The following ELF2 variants were observed in gnomAD, a reference collection of about 807,000 sequenced individuals.
ELF2 encodes the protein ETS-related transcription factor Elf-2.
ELF2 carries 11 observed loss-of-function variants against 54.8 expected under a neutral mutation model. The ratio of observed to expected loss-of-function variants is 0.20; its 90% confidence interval spans 0.13 to 0.33. The LOEUF is 0.33. Among genes scored for constraint, ELF2 ranks in the 10% least tolerant of loss-of-function variants. The pLI, the probability that ELF2 is intolerant of heterozygous loss-of-function variation, is 1.00. For synonymous variants in ELF2, 203 were observed against 245.1 expected (o/e 0.83, Z 1.61); for missense variants, 513 against 703.0 (o/e 0.73, Z 3.06).
At chr4:139,083,658 G>A (rs1731500789) in intron 4 of ELF2, among the ~76,000 whole-genome samples, 1 of 152,244 alleles carries the variant, frequency 6.6e-6, no homozygotes, top group Admixed American at 6.5e-5. Flanking sequence ...ACCGAGCGGG[G>A]GTGGCGAGCG....
At chr4:139,167,809 G>T (rs1741872551) in intron 1 of ELF2, among the ~76,000 whole-genome samples, 1 of 152,196 alleles carries the variant, frequency 6.6e-6, no homozygotes, top group East Asian at 1.9e-4. Flanking sequence ...GCCTTAACCA[G>T]AGACATTCAA....
At chr4:139,080,161 T>C (rs1164242286) in intron 4 of ELF2, among the ~76,000 whole-genome samples, 2 of 152,222 alleles carry the variant, frequency 1.3e-5, no homozygotes, top group Non-Finnish European at 2.9e-5. Context: ...AAAATAGTTT[T>C]ATGTTGAATG....
chr4:139,114,730 C>A (rs535568317), intron 4 of ELF2, among the ~76,000 whole-genome samples: 22 of 142,152 alleles, frequency 1.5e-4, no homozygotes, highest in African/African-American at 5.5e-4. Context: ...CACAAAAAGT[C>A]CCATCAGTTT....
At chr4:139,163,237 C>T (rs1741348218) in intron 1 of ELF2, among the ~76,000 whole-genome samples, 2 of 151,934 alleles carry the variant, frequency 1.3e-5, no homozygotes, top group South Asian at 4.1e-4. Flanking sequence ...TAACAAAAAA[C>T]ATCATGTGGC....
chr4:139,089,003 C>CA (rs1384970758), intron 4 of ELF2, among the ~76,000 whole-genome samples: 2 of 152,170 alleles, frequency 1.3e-5, no homozygotes, highest in Non-Finnish European at 2.9e-5. Flanking sequence ...GTGATCTGCC[C>CA]ACCTCGGCCT....
At chr4:139,124,865 T>A (rs1180760289) in intron 4 of ELF2, among the ~76,000 whole-genome samples, 1 of 152,122 alleles carries the variant, frequency 6.6e-6, no homozygotes, top group African/African-American at 2.4e-5. Context: ...TTGACTTGTA[T>A]AAATAACAGC....
At chr4:139,137,900 A>G in intron 2 of ELF2, 33 bp from the exon 3 acceptor site, 1 of 1,275,512 alleles carries the variant, frequency 7.8e-7, no homozygotes, top group South Asian at 2.6e-5. Context: ...AAGTTATTTT[A>G]AAAATTACAG....
At chr4:139,147,710 A>T (rs1427612746) in intron 1 of ELF2, among the ~76,000 whole-genome samples, 1 of 150,940 alleles carries the variant, frequency 6.6e-6, no homozygotes, top group East Asian at 1.9e-4. Context: ...TCCTGACCTC[A>T]TGAGTTACCT....
At chr4:139,076,799 C>T (rs1034591137) in intron 4 of ELF2, among the ~76,000 whole-genome samples, 5 of 152,198 alleles carry the variant, frequency 3.3e-5, no homozygotes, top group Non-Finnish European at 4.4e-5. Context: ...ATTGTTATGT[C>T]AATGGAAATT....
chr4:139,145,604 C>T (rs1297031722), intron 1 of ELF2, among the ~76,000 whole-genome samples: 2 of 152,146 alleles, frequency 1.3e-5, no homozygotes, highest in African/African-American at 4.8e-5. Flanking sequence ...AAACTACAGA[C>T]CAATATCCCT....
At chr4:139,161,780 G>A (rs1741182616) in intron 1 of ELF2, among the ~76,000 whole-genome samples, 1 of 151,438 alleles carries the variant, frequency 6.6e-6, no homozygotes, top group Non-Finnish European at 1.5e-5. Context: ...AGACCAGCCT[G>A]CCCAACATGG....
In ELF2 at chr4:139,059,117, T is replaced by G. The variant is rs776371113; in HGVS notation, c.1648A>C (p.Thr550Pro). Residue 550 changes from threonine to proline, a missense_variant, in exon 10 of 10, where the codon ACT becomes CCT. Thr to Pro is a conservative substitution (Grantham distance 38). Coordinates refer to ENST00000686138, the MANE Select transcript of ELF2 (RefSeq NM_001331036.3). Reference sequence around the variant, plus strand: ...GGTTTTTCTTCTACTAGCTGCAAAGTTTTCACATCATGTTCTTGCTTTTTT... The same window carrying G: ...GGTTTTTCTTCTACTAGCTGCAAAGGTTTCACATCATGTTCTTGCTTTTTT... Reference protein sequence around the residue: ...VAKKQEHDVKTLQLVEEKPAD... With the variant: ...VAKKQEHDVKPLQLVEEKPAD... 6.2e-7 allele frequency: 1 copy of G among 1,613,978 alleles called. No individual in the cohort carries two copies. The highest frequency in any genetic ancestry group is 8.5e-7 in the Non-Finnish European group (1 of 1,179,848).
rs953282075 is a variant in ELF2, at chr4:139,137,395, T to C, written c.72+235A>G. On this transcript the variant is annotated intron_variant, in intron 3 of 9. Transcript: ENST00000686138. ...AATACTATAGTGTTCTTTCCATTCC[T>C]TTCCTCCCTCCAAGTTCATTCTAAT... 8.7e-6 allele frequency: 5 copies of C among 573,070 alleles called. No individual in the cohort carries two copies. The Admixed American group carries it at 1.6e-4, about 18-fold the overall frequency. 35.5% of individuals were successfully genotyped at this position (573,070 alleles called of 1,614,324 possible). A position where few individuals can be genotyped will look rare whatever the true frequency, so the allele number is the denominator to read the frequency against.
rs183582823 is a variant in ELF2, at chr4:139,174,185, C to T, written c.-252+2782G>A. ...TCACACCACTGCACTCCAGCCTAGG[C>T]GACAGAGCGAGACTCCATCTTAAAA... On this transcript the variant is annotated intron_variant, in intron 1 of 9. Coordinates refer to ENST00000686138, the MANE Select transcript of ELF2 (RefSeq NM_001331036.3). 3.6e-3 allele frequency among the ~76,000 whole-genome samples: 479 copies of T among 131,486 alleles called. 6 individuals are homozygous for T. Among genetic ancestry groups the T allele is most frequent in the African/African-American group, 0.013 (448 of 33,976 alleles). The allele number at this position is 131,486 out of a possible 152,430, so 86.3% of individuals were successfully genotyped here.
At chr4:139,115,827 TG>T (rs1216229754) in intron 4 of ELF2, among the ~76,000 whole-genome samples, 1 of 152,166 alleles carries the variant, frequency 6.6e-6, no homozygotes, top group African/African-American at 2.4e-5. Context: ...AATAGTTTTT[TG>T]TTGTTGTTTT....
chr4:139,084,507 C>T (rs903210550), intron 4 of ELF2: 213 of 850,664 alleles, frequency 2.5e-4, no homozygotes, highest in Non-Finnish European at 3.0e-4. Flanking sequence ...ATCCTTCCGC[C>T]CCGCGCCCAA....
intron 4 of ELF2, chr4:139,114,872 G>T (rs371415202): frequency 6.2e-7 from 1 of 1,605,092 alleles, no homozygotes; most frequent in African/African-American, 1.3e-5. Flanking sequence ...CTGTTGCTAC[G>T]AGGTTGGGGG....
At chr4:139,084,971 T>C (rs1731811813) in intron 4 of ELF2, among the ~76,000 whole-genome samples, 1 of 152,162 alleles carries the variant, frequency 6.6e-6, no homozygotes, top group Non-Finnish European at 1.5e-5. Context: ...TAAACGGGTA[T>C]TTAGTAAACA....
intron 6 of ELF2, among the ~76,000 whole-genome samples, chr4:139,069,854 TTTTTTTC>T (rs1448246711): frequency 6.6e-6 from 1 of 152,008 alleles, no homozygotes; most frequent in Non-Finnish European, 1.5e-5. Context: ...ATGTATTTTT[TTTTTTTC>T]TTTGAGACAG....
Sources: allele counts gnomAD v4.1 joint callset (sites outside exome capture counted in the v4.1 genomes callset), GRCh38; gene constraint gnomAD v4.1.1; transcripts MANE v1.5; gene names NCBI Gene and HGNC (gene_info 2026-07-23, HGNC 2026-07-21).